The following CELF2 variants were observed in gnomAD, a reference collection of about 807,000 sequenced individuals.
CELF2 encodes the protein CUGBP Elav-like family member 2.
In CELF2, 8 loss-of-function variants were observed where a neutral mutation model predicts 62.6. The ratio of observed to expected loss-of-function variants is 0.13; its 90% confidence interval spans 0.07 to 0.23. CELF2 has a LOEUF of 0.23. CELF2 is among the 10% of genes least tolerant of loss of function. CELF2 has a pLI of 1.00. For synonymous variants in CELF2, 258 were observed against 250.0 expected, an observed-to-expected ratio of 1.03 and a Z score of -0.30; for missense variants, 333 against 671.0, an observed-to-expected ratio of 0.50 and a Z score of 5.56.
At chr10:10,579,512 A>T in the CELF2 span, among the ~76,000 whole-genome samples, 3 of 151,926 alleles carry the variant, frequency 2.0e-5, no homozygotes, top group Admixed American at 2.0e-4. Flanking sequence ...TTGACCTTAG[A>T]CCCCCGGGCT....
chr10:11,009,148 T>A (rs1265632653), intron 1 of CELF2, among the ~76,000 whole-genome samples: 1 of 152,030 alleles, frequency 6.6e-6, no homozygotes, highest in Non-Finnish European at 1.5e-5. Flanking sequence ...AGGATTAAAA[T>A]TCGTGGCAAT....
In CELF2 at chr10:11,165,696, GGC is replaced by G; in HGVS notation, c.271+16_271+17del. ...CGCAGAGTAAAGGTACAGAGCGCGG[GGC>G]GGGGGTCGCCAGGCGTCCAGGTGGG... On this transcript the variant is annotated intron_variant, in intron 2 of 12. Transcript: ENST00000633077. The surrounding 1 kb of genome is among the most constrained non-coding windows in gnomAD (Gnocchi z 7.4). 4.4e-6 allele frequency: 7 copies of G among 1,601,924 alleles called. No homozygotes were observed. The highest frequency in any genetic ancestry group is 6.0e-6 in the Non-Finnish European group (7 of 1,174,210).
chr10:10,781,771 A>G, the CELF2 span, among the ~76,000 whole-genome samples: 3 of 152,182 alleles, frequency 2.0e-5, no homozygotes, highest in Non-Finnish European at 4.4e-5. Context: ...TCCCACAATG[A>G]CAAAATCACC....
At chr10:11,281,452 C>T (rs1321151979) in intron 8 of CELF2, among the ~76,000 whole-genome samples, 1 of 152,134 alleles carries the variant, frequency 6.6e-6, no homozygotes, top group Admixed American at 6.5e-5. Flanking sequence ...GGGATGGATG[C>T]AGAAGGAAAT....
At chr10:10,589,962 C>G in the CELF2 span, among the ~76,000 whole-genome samples, 1 of 152,324 alleles carries the variant, frequency 6.6e-6, no homozygotes, top group South Asian at 2.1e-4. Context: ...GTGCCTACCT[C>G]TAAGTAGCCC....
intron 1 of CELF2, among the ~76,000 whole-genome samples, chr10:10,862,282 G>A (rs2060086967): frequency 6.6e-6 from 1 of 152,160 alleles, no homozygotes; most frequent in South Asian, 2.1e-4. Context: ...ACGTGGCTGG[G>A]CAGTAGTCAC....
intron 1 of CELF2, among the ~76,000 whole-genome samples, chr10:11,074,160 T>G (rs1002603847): frequency 1.3e-5 from 2 of 152,224 alleles, no homozygotes; most frequent in Non-Finnish European, 2.9e-5. Context: ...CAGCAAAATG[T>G]CTATTTCAAA....
intron 2 of CELF2, among the ~76,000 whole-genome samples, chr10:10,943,692 G>A (rs1017554497): frequency 1.1e-4 from 17 of 151,992 alleles, no homozygotes; most frequent in East Asian, 1.9e-4. Flanking sequence ...TCTGCTTCTC[G>A]GGTTCCAGCA....
At chr10:10,880,185 G>A (rs760470121) in intron 1 of CELF2, among the ~76,000 whole-genome samples, 2 of 152,160 alleles carry the variant, frequency 1.3e-5, no homozygotes, top group African/African-American at 4.8e-5. Flanking sequence ...CTAGTTTCTT[G>A]ACAAAAGATT....
At chr10:11,169,178 A>G (rs1039891451) in intron 2 of CELF2, 15 of 152,238 alleles carry the variant, frequency 9.9e-5, no homozygotes, top group Admixed American at 9.2e-4. Context: ...TGGTTATGGC[A>G]GTCATGATGA....
intron 1 of CELF2, among the ~76,000 whole-genome samples, chr10:11,054,314 A>G (rs2064662243): frequency 6.6e-6 from 1 of 152,144 alleles, no homozygotes; most frequent in African/African-American, 2.4e-5. Flanking sequence ...GTATCATCCC[A>G]TAGTTACTGT....
intron 1 of CELF2, among the ~76,000 whole-genome samples, chr10:11,032,331 A>ATCTAGCT (rs1052859030): frequency 5.6e-4 from 85 of 152,036 alleles, no homozygotes; most frequent in African/African-American, 1.9e-3. Flanking sequence ...GTTAAAGAGA[A>ATCTAGCT]TCTAGCTGGA....
intron 9 of CELF2, among the ~76,000 whole-genome samples, chr10:11,312,732 G>T (rs2094635540): frequency 6.6e-6 from 1 of 152,276 alleles, no homozygotes. Flanking sequence ...TCAACAGATT[G>T]AGGCCATCCT....
At chr10:11,201,889 ATTTGGTACC>A (rs1193548227) in intron 2 of CELF2, among the ~76,000 whole-genome samples, 1 of 152,022 alleles carries the variant, frequency 6.6e-6, no homozygotes, top group Non-Finnish European at 1.5e-5. Flanking sequence ...GTAGAAAGGT[ATTTGGTACC>A]TTCGTTGCAG....
the CELF2 span, among the ~76,000 whole-genome samples, chr10:10,559,009 G>T: frequency 1.3e-5 from 2 of 151,982 alleles, no homozygotes; most frequent in African/African-American, 2.4e-5. Context: ...ATATTGAAGT[G>T]ATCATATTTT....
At chr10:11,066,517 T>C (rs977921784) in intron 1 of CELF2, among the ~76,000 whole-genome samples, 12 of 152,134 alleles carry the variant, frequency 7.9e-5, no homozygotes, top group African/African-American at 2.9e-4. Flanking sequence ...GGCAGTGGGC[T>C]CTTAACTCTT....
chr10:11,226,755 A>G (rs2066769223), intron 3 of CELF2, among the ~76,000 whole-genome samples: 1 of 152,172 alleles, frequency 6.6e-6, no homozygotes, highest in African/African-American at 2.4e-5. Flanking sequence ...GAGCGAGGCA[A>G]GGTATTTGCT....
the CELF2 span, among the ~76,000 whole-genome samples, chr10:10,656,922 A>T: frequency 6.7e-6 from 1 of 149,162 alleles, no homozygotes; most frequent in African/African-American, 2.5e-5. Flanking sequence ...AATCAATAAA[A>T]AAAAAAAAAA....
At chr10:10,772,259 C>T in the CELF2 span, among the ~76,000 whole-genome samples, 54 of 152,240 alleles carry the variant, frequency 3.5e-4, no homozygotes, top group Non-Finnish European at 6.0e-4. Context: ...TTTGGACTTG[C>T]AGTCTAATCT....
Sources: allele counts gnomAD v4.1 joint callset (sites outside exome capture counted in the v4.1 genomes callset), GRCh38; gene constraint gnomAD v4.1.1; non-coding constraint Gnocchi (gnomAD v3.1); transcripts MANE v1.5; gene names NCBI Gene and HGNC (gene_info 2026-07-23, HGNC 2026-07-21).